IFIT1: variants seen among roughly 807,000 people sequenced by gnomAD.
IFIT1 encodes the protein antiviral innate immune response effector IFIT1.
Under a neutral mutation model 2.5 loss-of-function variants are expected in IFIT1, and 1 was observed. The observed-to-expected ratio is 0.40, with a 90% CI of 0.14 to 1.92. IFIT1 has a LOEUF of 1.92. Among genes scored for constraint, IFIT1 ranks in the 40% most tolerant of loss-of-function variants. The pLI, the probability that IFIT1 is intolerant of heterozygous loss-of-function variation, is 0.31. For missense variants in IFIT1, 508 were observed against 557.8 expected (o/e 0.91, Z 0.90); for synonymous variants, 191 against 201.7 (o/e 0.95, Z 0.45).
At chr10:89,397,011 T>G (rs1844353631) in intron 1 of IFIT1, among the ~76,000 whole-genome samples, 1 of 152,198 alleles carries the variant, frequency 6.6e-6, no homozygotes, top group South Asian at 2.1e-4. Context: ...TATATAAGGA[T>G]TTGGTTCTTT....
chr10:89,399,416 A>G (rs1215353643), intron 1 of IFIT1, among the ~76,000 whole-genome samples: 16 of 152,074 alleles, frequency 1.1e-4, no homozygotes, highest in Admixed American at 1.0e-3. Context: ...ATTGCCTGTG[A>G]TTTTGGTATC....
rs1447711575 is a variant in IFIT1, at chr10:89,406,253, G to A, written c.*2541G>A. ...GCCGGCTGGGCTTCTGGGTTGGGTG[G>A]GGACTTGGAGAACTTTTCTGTCTAG... On this transcript the variant is annotated 3_prime_UTR_variant, in exon 2 of 2. Coordinates refer to ENST00000371804, the MANE Select transcript of IFIT1 (RefSeq NM_001548.5). The A allele has an allele frequency of 6.6e-6, 1 of 152,220 alleles. No individual in the cohort carries two copies. Among genetic ancestry groups the A allele is most frequent in the African/African-American group, 2.4e-5 (1 of 41,412 alleles). 9.4% of individuals were successfully genotyped at this position (152,220 alleles called of 1,614,324 possible). A position where few individuals can be genotyped will look rare whatever the true frequency, so the allele number is the denominator to read the frequency against.
chr10:89,394,601 TA>T (rs1273326888), intron 1 of IFIT1, among the ~76,000 whole-genome samples: 25 of 55,296 alleles, frequency 4.5e-4, no homozygotes, highest in African/African-American at 3.9e-3. Context: ...TATATATATA[TA>T]TATATATATA....
chr10:89,393,069 T>A (rs1461871535), intron 1 of IFIT1: 2 of 1,126,940 alleles, frequency 1.8e-6, no homozygotes, highest in African/African-American at 3.2e-5. Flanking sequence ...GGGGAAGGAA[T>A]GGACAGCTTG....
chr10:89,402,736 G>GA lies in IFIT1; in HGVS notation c.467dup (p.Asn156LysfsTer3). 6.2e-7 allele frequency: 1 copy of GA among 1,614,196 alleles called. No individual in the cohort carries two copies. Among genetic ancestry groups the GA allele is most frequent in the Non-Finnish European group, 8.5e-7 (1 of 1,180,026 alleles). ...GGATGGGCCTTGCTGAAGTGTGGAG[G>GA]AAAAAATTATGAACGGGCCAAGGCC... On this transcript the variant is annotated frameshift_variant, in exon 2 of 2. Coordinates refer to ENST00000371804, the MANE Select transcript of IFIT1 (RefSeq NM_001548.5). LOFTEE classifies it low-confidence loss of function (END_TRUNC).
At chr10:89,402,205 T>G in intron 1 of IFIT1, 76 bp from the exon 2 acceptor site, 1 of 894,630 alleles carries the variant, frequency 1.1e-6, no homozygotes, top group East Asian at 2.4e-5. Flanking sequence ...AGCACTAAAA[T>G]ACAAGGTATT....
At position 89,404,941 on chromosome 10, in the gene IFIT1, T is replaced by C. The variant is rs576147928; in HGVS notation, c.*1229T>C. On this transcript the variant is annotated 3_prime_UTR_variant, in exon 2 of 2. Coordinates refer to ENST00000371804, the MANE Select transcript of IFIT1 (RefSeq NM_001548.5). ...TGCCACTGCACTCCATTCTGGATGA[T>C]AGAACGAGACCCCATCTCAAAAAAA... 7 of 151,046 alleles carry C rather than the reference T, an allele frequency of 4.6e-5. No individual in the cohort carries two copies. In the South Asian group the frequency reaches 6.2e-4, roughly 13 times the overall value. The allele number at this position is 151,046 out of a possible 1,614,324, so 9.4% of individuals were successfully genotyped here. A position where few individuals can be genotyped will look rare whatever the true frequency, so the allele number is the denominator to read the frequency against.
chr10:89,398,086 C>T (rs953350288), intron 1 of IFIT1, among the ~76,000 whole-genome samples: 3 of 152,124 alleles, frequency 2.0e-5, no homozygotes, highest in African/African-American at 7.2e-5. Flanking sequence ...CCCTCCTCCC[C>T]CAGTGTGGAG....
rs774899198 is a variant in IFIT1, at chr10:89,403,690, A to T, written c.1415A>T (p.Asn472Ile). 2.1e-5 allele frequency: 34 copies of T among 1,588,948 alleles called. No homozygotes were observed. The highest frequency in any genetic ancestry group is 1.7e-5 in the Non-Finnish European group (20 of 1,169,898). Residue 472 changes from asparagine to isoleucine, a missense_variant, in exon 2 of 2, where the codon AAC becomes ATC. Coordinates refer to ENST00000371804, the MANE Select transcript of IFIT1 (RefSeq NM_001548.5). ...CTGAGACTGGCTGCTGACTTTGAGA[A>T]CTCTGTGAGACAAGGTCCTTAGGCA... The part of the protein sequence containing the change: ...RALRLAADFE[N>I]SVRQGP
chr10:89,395,746 T>C (rs762502219), intron 1 of IFIT1, among the ~76,000 whole-genome samples: 6 of 152,042 alleles, frequency 3.9e-5, no homozygotes, highest in Non-Finnish European at 7.4e-5. Context: ...CATGACCAAA[T>C]ACCCTGAAGC....
chr10:89,396,877 T>G (rs1407473212), intron 1 of IFIT1, among the ~76,000 whole-genome samples: 1 of 152,260 alleles, frequency 6.6e-6, no homozygotes, highest in African/African-American at 2.4e-5. Context: ...GTGATTCTTC[T>G]TTGGAGAATT....
chr10:89,405,055 G>C lies in IFIT1; in HGVS notation c.*1343G>C, dbSNP rs1258866416. On this transcript the variant is annotated 3_prime_UTR_variant, in exon 2 of 2. Coordinates refer to ENST00000371804, the MANE Select transcript of IFIT1 (RefSeq NM_001548.5). ...TTCAGTGCAAGAAACCAAAAATACT[G>C]TAATAAACAGGCACATATTCTTCCC... The C allele has an allele frequency of 1.3e-5, 2 of 152,096 alleles. No homozygotes were observed. Among genetic ancestry groups the C allele is most frequent in the Non-Finnish European group, 2.9e-5 (2 of 68,024 alleles). 9.4% of individuals were successfully genotyped at this position (152,096 alleles called of 1,614,324 possible).
intron 1 of IFIT1, among the ~76,000 whole-genome samples, chr10:89,395,705 A>G (rs1168237854): frequency 1.3e-5 from 2 of 152,218 alleles, no homozygotes; most frequent in East Asian, 3.8e-4. Context: ...AAAATAAAGA[A>G]GTATCCCAAG....
intron 1 of IFIT1, among the ~76,000 whole-genome samples, chr10:89,394,784 C>G (rs977912530): frequency 6.6e-6 from 1 of 151,574 alleles, no homozygotes; most frequent in Admixed American, 6.6e-5. Context: ...CTATCTAGTT[C>G]AAGAACATTT....
At chr10:89,397,681 A>T (rs1589635597) in intron 1 of IFIT1, among the ~76,000 whole-genome samples, 1 of 151,550 alleles carries the variant, frequency 6.6e-6, no homozygotes. Flanking sequence ...GATCCAGAGC[A>T]TTTTTTTTCA....
Position 89,402,907 on chromosome 10 carries a change from G to T in IFIT1, c.632G>T (p.Arg211Leu), listed in dbSNP as rs145664491. ...FSLLPLRQAV[R>L]LNPDNGYIKV... ...TTGCTTCCCCTAAGGCAGGCTGTCC[G>T]CTTAAATCCAGACAATGGATATATT... Residue 211 changes from arginine (R) to leucine (L), a missense_variant, in exon 2 of 2, where the codon CGC becomes CTC. Physicochemically the swap from Arg to Leu is moderately radical, Grantham distance 102. Transcript: ENST00000371804. 6 of 1,614,150 alleles carry T rather than the reference G, an allele frequency of 3.7e-6. No homozygotes were observed. Among genetic ancestry groups the T allele is most frequent in the Non-Finnish European group, 5.1e-6 (6 of 1,180,034 alleles).
intron 1 of IFIT1, among the ~76,000 whole-genome samples, chr10:89,397,031 G>C (rs896763057): frequency 6.6e-6 from 1 of 151,968 alleles, no homozygotes; most frequent in East Asian, 1.9e-4. Flanking sequence ...TATAAAATAG[G>C]GTCGTGTTTT....
Position 89,404,041 on chromosome 10 carries a change from C to T in IFIT1, c.*329C>T, listed in dbSNP as rs1234690782. ...ATAAAAATAAAATCCTTAGCTCCTCCACCAACTGAACAGACCCTCTTGGCC... is the reference window on the plus strand; with the variant it reads ...ATAAAAATAAAATCCTTAGCTCCTCTACCAACTGAACAGACCCTCTTGGCC... On this transcript the variant is annotated 3_prime_UTR_variant, in exon 2 of 2. Transcript: ENST00000371804. 1 of 184,594 alleles carries T rather than the reference C, an allele frequency of 5.4e-6. No homozygotes were observed. The highest frequency in any genetic ancestry group is 2.4e-5 in the African/African-American group (1 of 41,482). 11.4% of individuals were successfully genotyped at this position (184,594 alleles called of 1,614,324 possible).
At chr10:89,400,416 C>T (rs532859345) in intron 1 of IFIT1, among the ~76,000 whole-genome samples, 8 of 152,216 alleles carry the variant, frequency 5.3e-5, no homozygotes, top group African/African-American at 1.7e-4. Context: ...CAAAGGATGT[C>T]CTTCCATTTA....
Sources: allele counts gnomAD v4.1 joint callset (sites outside exome capture counted in the v4.1 genomes callset), GRCh38; gene constraint gnomAD v4.1.1; transcripts MANE v1.5; gene names NCBI Gene and HGNC (gene_info 2026-07-23, HGNC 2026-07-21).